Variants in SPTBN1 observed in about 807,000 individuals in gnomAD.
SPTBN1 encodes spectrin beta chain, non-erythrocytic 1.
A neutral mutation model predicts 266.4 loss-of-function variants in SPTBN1; 32 were observed. The ratio of observed to expected loss-of-function variants is 0.12; its 90% confidence interval spans 0.09 to 0.16. The LOEUF is 0.16. SPTBN1 is among the 10% of genes least tolerant of loss of function. The pLI is 1.00. For synonymous variants in SPTBN1, 1,336 were observed against 1,162.2 expected (o/e 1.15, Z -3.04); for missense variants, 2,296 against 3,067.1 (o/e 0.75, Z 5.94).
chr2:54,562,949 T>C (rs188762490), intron 2 of SPTBN1, among the ~76,000 whole-genome samples: 2 of 152,244 alleles, frequency 1.3e-5, no homozygotes, highest in East Asian at 3.9e-4. Context: ...GGAAAAACGA[T>C]TTTGTTGAGT....
In SPTBN1 at chr2:54,628,330, T is replaced by G; in HGVS notation, c.1798+80T>G. 2 of 1,466,944 alleles carry G rather than the reference T, an allele frequency of 1.4e-6. No individual in the cohort carries two copies. Among genetic ancestry groups the G allele is most frequent in the Non-Finnish European group, 9.0e-7 (1 of 1,105,578 alleles). The allele number at this position is 1,466,944 out of a possible 1,614,324, so 90.9% of individuals were successfully genotyped here. ...TAGAAACACAGTGGGGCTTTTGAAG[T>G]TACTGTGCCACTATACATTCCTGGT... On this transcript the variant is annotated intron_variant, in intron 13 of 35. Coordinates refer to ENST00000356805, the MANE Select transcript of SPTBN1 (RefSeq NM_003128.3). This position sits in a 1 kb window ranked among gnomAD's most constrained non-coding sequence, Gnocchi z 4.3.
At chr2:54,538,443 C>A (rs1028099969) in intron 2 of SPTBN1, among the ~76,000 whole-genome samples, 1 of 152,194 alleles carries the variant, frequency 6.6e-6, no homozygotes, top group Non-Finnish European at 1.5e-5. Context: ...GTTCCTTACT[C>A]ACATGTAACC....
intron 1 of SPTBN1, among the ~76,000 whole-genome samples, chr2:54,506,099 G>C (rs1669537431): frequency 6.6e-6 from 1 of 151,486 alleles, no homozygotes. Context: ...ACTCCAGCCT[G>C]GGCAACAGAG....
At chr2:54,562,456 G>C (rs1364219870) in intron 2 of SPTBN1, among the ~76,000 whole-genome samples, 26 of 151,388 alleles carry the variant, frequency 1.7e-4, no homozygotes, top group Admixed American at 1.7e-3. Flanking sequence ...TGGGTTTCAC[G>C]CTTATCTTCT....
intron 17 of SPTBN1, among the ~76,000 whole-genome samples, chr2:54,633,138 C>G (rs559465208): frequency 7.2e-5 from 11 of 152,224 alleles, no homozygotes; most frequent in Admixed American, 6.5e-4. Context: ...TATTCCCAGC[C>G]AAGCCCGTGT....
chr2:54,564,291 G>GGA (rs1673524867), intron 2 of SPTBN1, among the ~76,000 whole-genome samples: 2 of 152,164 alleles, frequency 1.3e-5, no homozygotes, highest in African/African-American at 4.8e-5. Context: ...ACTTTTCTTA[G>GGA]GAGAGTCAGC....
intron 1 of SPTBN1, among the ~76,000 whole-genome samples, chr2:54,473,821 AC>A (rs1694048773): frequency 6.6e-6 from 1 of 152,246 alleles, no homozygotes; most frequent in Admixed American, 6.5e-5. Context: ...TTTAAATTTT[AC>A]ACATGTATAT....
At chr2:54,644,280 A>G (rs747984869) in intron 19 of SPTBN1, 43 bp from the exon 20 acceptor site, 1 of 1,578,304 alleles carries the variant, frequency 6.3e-7, no homozygotes, top group Admixed American at 1.8e-5. Context: ...TTTTTTCTGT[A>G]GCAAACTTGT....
intron 2 of SPTBN1, among the ~76,000 whole-genome samples, chr2:54,567,058 G>T (rs116138569): frequency 1.3e-5 from 2 of 152,198 alleles, no homozygotes; most frequent in African/African-American, 4.8e-5. Flanking sequence ...AGCAGCTGTC[G>T]TCTGGTTAAA....
intron 2 of SPTBN1, among the ~76,000 whole-genome samples, chr2:54,535,738 T>C (rs1382392472): frequency 6.6e-6 from 1 of 152,230 alleles, no homozygotes; most frequent in Non-Finnish European, 1.5e-5. Context: ...CAGAAACTAC[T>C]GTAGGCCAGA....
chr2:54,632,371 C>A (rs1294940538), intron 16 of SPTBN1, among the ~76,000 whole-genome samples, 195 bp from the exon 17 acceptor site: 1 of 152,154 alleles, frequency 6.6e-6, no homozygotes, highest in African/African-American at 2.4e-5. Flanking sequence ...AGAGCATTAA[C>A]CCCTGAGGGA....
intron 1 of SPTBN1, among the ~76,000 whole-genome samples, chr2:54,484,600 T>TA (rs1314573558): frequency 6.6e-6 from 1 of 152,248 alleles, no homozygotes; most frequent in African/African-American, 2.4e-5. Context: ...GTGTCTTCTG[T>TA]AGTTGCCATC....
rs747069871 is a variant in SPTBN1 at position 54,632,747 on chromosome 2, A to G, written c.3746A>G (p.Lys1249Arg). 1.2e-6 allele frequency: 2 copies of G among 1,614,228 alleles called. No homozygotes were observed. The highest frequency in any genetic ancestry group is 1.7e-6 in the Non-Finnish European group (2 of 1,180,044). Residue 1249 changes from lysine to arginine, a missense_variant, in exon 17 of 36, where the codon AAG (lysine) becomes AGG (arginine). Physicochemically the swap from Lys to Arg is conservative, Grantham distance 26. This residue lies in a region of SPTBN1 where 386 missense variants were observed against 486.1 expected (regional missense o/e 0.79). Coordinates refer to ENST00000356805, the MANE Select transcript of SPTBN1 (RefSeq NM_003128.3). ...ATCAACTCAGATCGCATCCAGGAGAAGGTGGACTCTATTGATGACAGGTAC... is the reference window on the plus strand; with the variant it reads ...ATCAACTCAGATCGCATCCAGGAGAGGGTGGACTCTATTGATGACAGGTAC... ...GNINSDRIQE[K>R]VDSIDDRHRK...
intron 2 of SPTBN1, among the ~76,000 whole-genome samples, chr2:54,582,889 C>T (rs1675039460): frequency 6.6e-6 from 1 of 152,242 alleles, no homozygotes; most frequent in South Asian, 2.1e-4. Flanking sequence ...TGAATTTGCT[C>T]TTATACAAAA....
At chr2:54,602,069 A>T (rs568962899) in intron 3 of SPTBN1, among the ~76,000 whole-genome samples, 1 of 152,318 alleles carries the variant, frequency 6.6e-6, no homozygotes, top group African/African-American at 2.4e-5. Flanking sequence ...CTCATAGAGC[A>T]GTGAGAAGGC....
At chr2:54,636,893 C>A (rs17046061) in intron 17 of SPTBN1, among the ~76,000 whole-genome samples, 6 of 152,132 alleles carry the variant, frequency 3.9e-5, no homozygotes, top group Non-Finnish European at 7.4e-5. Context: ...GGAAATGAAG[C>A]TCTCCGCTAT....
intron 1 of SPTBN1, among the ~76,000 whole-genome samples, chr2:54,486,942 C>T (rs1573250479): frequency 6.6e-6 from 1 of 152,002 alleles, no homozygotes; most frequent in Non-Finnish European, 1.5e-5. Context: ...AGTGTTGGTA[C>T]TTTTGCTCTG....
intron 1 of SPTBN1, among the ~76,000 whole-genome samples, chr2:54,465,475 G>A (rs1020056131): frequency 3.3e-5 from 5 of 152,190 alleles, no homozygotes; most frequent in Non-Finnish European, 5.9e-5. Flanking sequence ...TTCAGATTTA[G>A]ATTTACTTTC....
chr2:54,634,814 C>T (rs900799636), intron 17 of SPTBN1, among the ~76,000 whole-genome samples: 2 of 152,218 alleles, frequency 1.3e-5, no homozygotes, highest in Admixed American at 1.3e-4. Context: ...AACAAAGACA[C>T]TGACTCTAAC....
Sources: allele counts gnomAD v4.1 joint callset (sites outside exome capture counted in the v4.1 genomes callset), GRCh38; gene constraint gnomAD v4.1.1; regional missense constraint gnomAD v4.1.1; non-coding constraint Gnocchi (gnomAD v3.1); transcripts MANE v1.5; gene names NCBI Gene and HGNC (gene_info 2026-07-23, HGNC 2026-07-21).